Variants in CCDC152 observed in about 807,000 individuals in gnomAD.
CCDC152 encodes the protein coiled-coil domain containing 152, also known as coiled-coil domain-containing protein 152.
CCDC152 carries 37 observed loss-of-function variants against 38.1 expected under a neutral mutation model. The observed-to-expected ratio is 0.97, with a 90% CI of 0.75 to 1.28. CCDC152 has a LOEUF of 1.28. CCDC152 is among the 50% of genes most tolerant of loss of function. The probability of loss-of-function intolerance (pLI) is 0.00; values close to 1 mark genes in which losing one functional copy is unlikely to be tolerated. For missense variants in CCDC152, 259 were observed against 292.1 expected (o/e 0.89, Z 0.83); for synonymous variants, 83 against 87.1 (o/e 0.95, Z 0.26).
At chr5:42,769,717 C>T in intron 4 of CCDC152, 52 bp downstream of exon 4, 1 of 1,435,150 alleles carries the variant, frequency 7.0e-7, no homozygotes, top group Non-Finnish European at 9.2e-7. Flanking sequence ...ATTTGAGCAC[C>T]TTTAAAAATA....
chr5:42,768,348 G>A (rs183328444), intron 3 of CCDC152, among the ~76,000 whole-genome samples: 39 of 151,170 alleles, frequency 2.6e-4, no homozygotes, highest in Non-Finnish European at 2.9e-5. Flanking sequence ...TGGACCACAA[G>A]TGTCCTAAAC....
At chr5:42,771,850 G>A (rs182526789) in intron 4 of CCDC152, among the ~76,000 whole-genome samples, 170 of 152,132 alleles carry the variant, frequency 1.1e-3, no homozygotes, top group African/African-American at 4.0e-3. Flanking sequence ...AAGTAATACC[G>A]CTTTTTCTTA....
rs1760127884 is a variant in CCDC152 at position 42,799,371 on chromosome 5, TCA to T, written c.559-3_559-2del. 6.8e-7 allele frequency: 1 copy of T among 1,476,752 alleles called. No homozygotes were observed. The highest frequency in any genetic ancestry group is 1.4e-5 in the African/African-American group (1 of 70,750). The allele number at this position is 1,476,752 out of a possible 1,614,324, so 91.5% of individuals were successfully genotyped here. ...TCAATAACTTTCTTTTCAATTTGATTCAGTTTGATGCCAAACTAGCAAGAGTT... is the reference window on the plus strand; with the variant it reads ...TCAATAACTTTCTTTTCAATTTGATTGTTTGATGCCAAACTAGCAAGAGTT... On this transcript the variant is annotated splice_acceptor_variant and splice_polypyrimidine_tract_variant and intron_variant, in intron 7 of 8. Transcript: ENST00000361970. LOFTEE classifies it high-confidence loss of function.
intron 4 of CCDC152, among the ~76,000 whole-genome samples, chr5:42,777,786 A>G (rs1759788159): frequency 6.6e-6 from 1 of 152,210 alleles, no homozygotes. Flanking sequence ...ATGTTACTGT[A>G]CTACAGAACA....
intron 1 of CCDC152, among the ~76,000 whole-genome samples, chr5:42,758,253 T>A (rs1315292697): frequency 1.3e-5 from 2 of 152,192 alleles, no homozygotes; most frequent in African/African-American, 2.4e-5. Flanking sequence ...TGTCAAGCAA[T>A]ATCTGTTTTG....
intron 4 of CCDC152, among the ~76,000 whole-genome samples, chr5:42,774,841 A>C (rs932319660): frequency 5.9e-5 from 9 of 152,338 alleles, no homozygotes; most frequent in South Asian, 2.1e-4. Context: ...TTATTAGACC[A>C]GAAATTTTAA....
intron 6 of CCDC152, among the ~76,000 whole-genome samples, chr5:42,792,907 C>T (rs575617312): frequency 2.0e-5 from 3 of 152,206 alleles, no homozygotes; most frequent in South Asian, 2.1e-4. Context: ...ATTGTCATGG[C>T]GCCACATAAC....
Position 42,801,242 on chromosome 5 carries a change from C to G in CCDC152, c.*1461C>G. On this transcript the variant is annotated 3_prime_UTR_variant, in exon 9 of 9. Coordinates refer to ENST00000361970, the MANE Select transcript of CCDC152 (RefSeq NM_001134848.2). ...GCTGATGTCCATGATTGTGATGATG[C>G]TCATGATGGTAATGAGGCGATGGAG... 6.2e-7 allele frequency: 1 copy of G among 1,614,046 alleles called. No homozygotes were observed. The highest frequency in any genetic ancestry group is 8.5e-7 in the Non-Finnish European group (1 of 1,179,970).
chr5:42,773,451 G>C (rs1759727970), intron 4 of CCDC152, among the ~76,000 whole-genome samples: 1 of 152,072 alleles, frequency 6.6e-6, no homozygotes, highest in Non-Finnish European at 1.5e-5. Flanking sequence ...GATACACAAG[G>C]TTCTTTCTCT....
rs769473668 is a variant in CCDC152 at position 42,801,254 on chromosome 5, A to G, written c.*1473A>G. The G allele has an allele frequency of 6.2e-7, 1 of 1,614,158 alleles. No individual in the cohort carries two copies. Among genetic ancestry groups the G allele is most frequent in the Non-Finnish European group, 8.5e-7 (1 of 1,180,010 alleles). On this transcript the variant is annotated 3_prime_UTR_variant, in exon 9 of 9. Coordinates refer to ENST00000361970, the MANE Select transcript of CCDC152 (RefSeq NM_001134848.2). Reference sequence around the variant, plus strand: ...GATTGTGATGATGCTCATGATGGTAATGAGGCGATGGAGTTTCAACTGTTT... The same window carrying G: ...GATTGTGATGATGCTCATGATGGTAGTGAGGCGATGGAGTTTCAACTGTTT...
In CCDC152 at chr5:42,795,042, G is replaced by C. The variant is rs961253325; in HGVS notation, c.431-1787G>C. On this transcript the variant is annotated intron_variant, in intron 6 of 8. Coordinates refer to ENST00000361970, the MANE Select transcript of CCDC152 (RefSeq NM_001134848.2). ...GTAAAAGCCAACAAATAATAAGCTA[G>C]TTGATTTAAACCCAAATATATTACT... is the stretch of plus-strand genomic sequence containing the variant. Among the ~76,000 whole-genome samples, 15 of 152,208 alleles carry C rather than the reference G, an allele frequency of 9.9e-5. 1 individual carries two copies. The South Asian group carries it at 1.9e-3, about 19-fold the overall frequency.
At chr5:42,774,900 A>ATT (rs1448079428) in intron 4 of CCDC152, among the ~76,000 whole-genome samples, 43 of 152,206 alleles carry the variant, frequency 2.8e-4, no homozygotes, top group Non-Finnish European at 5.4e-4. Flanking sequence ...AACACAAATG[A>ATT]AGAATGCCTT....
chr5:42,774,596 T>G (rs554222422), intron 4 of CCDC152, among the ~76,000 whole-genome samples: 1 of 152,230 alleles, frequency 6.6e-6, no homozygotes, highest in South Asian at 2.1e-4. Flanking sequence ...GGAGAGGGAC[T>G]AAGAAGCATG....
At chr5:42,763,792 GC>G (rs1481179019) in intron 3 of CCDC152, among the ~76,000 whole-genome samples, 2 of 152,092 alleles carry the variant, frequency 1.3e-5, no homozygotes, top group Non-Finnish European at 2.9e-5. Context: ...TGAAGATATA[GC>G]CCTAAAAAGT....
intron 2 of CCDC152, among the ~76,000 whole-genome samples, chr5:42,760,296 T>TC (rs1285648934): frequency 1.1e-5 from 1 of 91,348 alleles, no homozygotes; most frequent in Non-Finnish European, 2.0e-5. Flanking sequence ...AGAGCGAGAC[T>TC]CCGTCTCAAA....
At chr5:42,783,612 T>C in intron 6 of CCDC152, 36 bp downstream of exon 6, 2 of 1,088,912 alleles carry the variant, frequency 1.8e-6, no homozygotes, top group Non-Finnish European at 2.4e-6. Context: ...TTGTTATTGA[T>C]TCAACAGATA....
At chr5:42,788,490 C>T (rs549589292) in intron 6 of CCDC152, among the ~76,000 whole-genome samples, 2 of 152,186 alleles carry the variant, frequency 1.3e-5, no homozygotes, top group African/African-American at 2.4e-5. Context: ...AAACTCACAA[C>T]CTCAGGTAAA....
intron 6 of CCDC152, among the ~76,000 whole-genome samples, chr5:42,793,342 A>G (rs1051528653): frequency 3.6e-4 from 55 of 152,268 alleles, no homozygotes; most frequent in African/African-American, 1.3e-3. Flanking sequence ...GAAAAATTTT[A>G]CCTGATCGTG....
At chr5:42,783,810 G>A (rs554621305) in intron 6 of CCDC152, among the ~76,000 whole-genome samples, 1 of 128,794 alleles carries the variant, frequency 7.8e-6, no homozygotes, top group African/African-American at 3.0e-5. Flanking sequence ...ACTACCCATT[G>A]TTTAGCTCCC....
Sources: allele counts gnomAD v4.1 joint callset (sites outside exome capture counted in the v4.1 genomes callset), GRCh38; gene constraint gnomAD v4.1.1; transcripts MANE v1.5; gene names NCBI Gene and HGNC (gene_info 2026-07-23, HGNC 2026-07-21).